The following PAQR5 variants were observed in gnomAD, a reference collection of about 807,000 sequenced individuals.
The protein encoded by PAQR5 is membrane progestin receptor gamma.
A neutral mutation model predicts 34.5 loss-of-function variants in PAQR5; 20 were observed. The observed-to-expected ratio is 0.58, with a 90% confidence interval of 0.41 to 0.84. PAQR5 has a LOEUF of 0.84. Ranked by LOEUF, PAQR5 falls within the 40% of genes least tolerant of loss-of-function variation. The pLI is 0.00. For synonymous variants in PAQR5, 131 were observed against 155.6 expected (o/e 0.84, Z 1.18); for missense variants, 378 against 412.7 (o/e 0.92, Z 0.73).
In PAQR5 at chr15:69,385,204, C is replaced by T. The variant is rs927827612; in HGVS notation, c.385+322C>T. On this transcript the variant is annotated intron_variant, in intron 5 of 8. Coordinates refer to ENST00000395407, the MANE Select transcript of PAQR5 (RefSeq NM_017705.4). This position sits in a 1 kb window ranked among gnomAD's most constrained non-coding sequence, Gnocchi z 4.7. ...GAACACAAGGGTGGGAAGAGATATG[C>T]GTAGCACACTATTACAGAAATTCCA... Among the ~76,000 whole-genome samples the T allele has an allele frequency of 1.3e-5, 2 of 152,308 alleles. No individual in the cohort carries two copies. Among genetic ancestry groups the T allele is most frequent in the Non-Finnish European group, 2.9e-5 (2 of 68,030 alleles).
At chr15:69,384,271 G>GT (rs2056032704) in intron 4 of PAQR5, among the ~76,000 whole-genome samples, 1 of 139,014 alleles carries the variant, frequency 7.2e-6, no homozygotes, top group East Asian at 2.3e-4. Context: ...GGGTGAGTGG[G>GT]CCTCTGTGTT....
In PAQR5 at chr15:69,300,691, C is replaced by CCTCT. The variant is rs767504168; in HGVS notation, c.-277+1646_-277+1649dup. 6.5e-3 allele frequency among the ~76,000 whole-genome samples: 24 copies of CCTCT among 3,708 alleles called. 7 individuals carry two copies. Among genetic ancestry groups the CCTCT allele is most frequent in the Non-Finnish European group, 0.013 (12 of 896 alleles). 2.4% of individuals were successfully genotyped at this position (3,708 alleles called of 152,430 possible). A position where few individuals can be genotyped will look rare whatever the true frequency, so the allele number is the denominator to read the frequency against. On this transcript the variant is annotated intron_variant, in intron 1 of 8. Transcript: ENST00000395407. Reference sequence around the variant, plus strand: ...CATTCTTTCTCTTCCTTCCTCCCTCCCTCTCTCTCTCTCTTTCTTTCTTTC... The same window carrying CCTCT: ...CATTCTTTCTCTTCCTTCCTCCCTCCCTCTCTCTCTCTCTCTCTTTCTTTCTTTC...
In PAQR5 at chr15:69,300,937, C is replaced by CTCTCTCTCTTTCCTTCTT. The variant is rs2053578922; in HGVS notation, c.-277+1884_-277+1885insCTCTCTTTCCTTCTTTCT. On this transcript the variant is annotated intron_variant, in intron 1 of 8. Transcript: ENST00000395407. The stretch of plus-strand genomic sequence containing the variant: ...CCTTTCTCTCTCTCTCTCTCTCTCT[C>CTCTCTCTCTTTCCTTCTT]TCTTTCTTTCCTTCTTTCTTTCTTT... Among the ~76,000 whole-genome samples, 2 of 5,188 alleles carry CTCTCTCTCTTTCCTTCTT rather than the reference C, an allele frequency of 3.9e-4. 1 individual carries two copies. 3.4% of individuals were successfully genotyped at this position (5,188 alleles called of 152,430 possible). A position where few individuals can be genotyped will look rare whatever the true frequency, so the allele number is the denominator to read the frequency against.
chr15:69,309,339 G>A (rs541628232), intron 1 of PAQR5, among the ~76,000 whole-genome samples: 5 of 152,344 alleles, frequency 3.3e-5, no homozygotes, highest in South Asian at 4.1e-4. Flanking sequence ...CATGGGCCAC[G>A]GTGAAGCCTG....
intron 1 of PAQR5, among the ~76,000 whole-genome samples, chr15:69,301,985 G>T (rs551978176): frequency 1.3e-5 from 2 of 150,484 alleles, no homozygotes; most frequent in South Asian, 4.2e-4. Flanking sequence ...TGGTGGGGGT[G>T]GTAGGTTTGT....
rs1171239080 is a variant in PAQR5 at position 69,405,480 on chromosome 15, TAA to T, written c.*1660_*1661del. The T allele has an allele frequency of 6.6e-6, 1 of 152,556 alleles. No homozygotes were observed. Among genetic ancestry groups the T allele is most frequent in the Non-Finnish European group, 1.5e-5 (1 of 68,272 alleles). 9.5% of individuals were successfully genotyped at this position (152,556 alleles called of 1,614,324 possible). ...AGACTGATAAAATTATATGGGCTGG[TAA>T]ATTTTTGGTACATTAATTGCAAGCT... On this transcript the variant is annotated 3_prime_UTR_variant, in exon 9 of 9. Coordinates refer to ENST00000395407, the MANE Select transcript of PAQR5 (RefSeq NM_017705.4).
chr15:69,324,133 A>C (rs2140625290), intron 1 of PAQR5, among the ~76,000 whole-genome samples: 1 of 131,804 alleles, frequency 7.6e-6, no homozygotes, highest in East Asian at 2.7e-4. Flanking sequence ...CTAGGGCAAA[A>C]AAAAAAAAAA....
intron 6 of PAQR5, 55 bp downstream of exon 6, chr15:69,389,835 C>T (rs979561900): frequency 6.3e-6 from 10 of 1,595,790 alleles, no homozygotes; most frequent in Non-Finnish European, 7.7e-6. Context: ...GCATGCAGCT[C>T]CCTGCACTCT....
intron 8 of PAQR5, among the ~76,000 whole-genome samples, chr15:69,402,672 C>T (rs2056670773): frequency 6.6e-6 from 1 of 152,178 alleles, no homozygotes; most frequent in Non-Finnish European, 1.5e-5. Context: ...ATCTTAGAGA[C>T]TTCATTTTTA....
At chr15:69,397,371 G>A (rs760163104) in intron 6 of PAQR5, 97 bp from the exon 7 acceptor site, 1 of 832,324 alleles carries the variant, frequency 1.2e-6, no homozygotes, top group South Asian at 1.3e-5. Context: ...CTTGTCCTCT[G>A]TTGATGACCA....
intron 5 of PAQR5, 74 bp from the exon 6 acceptor site, chr15:69,389,580 G>T: frequency 6.3e-7 from 1 of 1,591,268 alleles, no homozygotes; most frequent in Non-Finnish European, 8.6e-7. Context: ...CCAGATGCTG[G>T]GGACAGTCTT....
chr15:69,315,157 C>G (rs1422249959), intron 1 of PAQR5, among the ~76,000 whole-genome samples: 7 of 152,132 alleles, frequency 4.6e-5, no homozygotes, highest in Non-Finnish European at 1.0e-4. Context: ...AGTCCTTGCC[C>G]AGAGCTCCTT....
chr15:69,393,894 T>C (rs2056338915), intron 6 of PAQR5, among the ~76,000 whole-genome samples: 1 of 152,188 alleles, frequency 6.6e-6, no homozygotes, highest in Admixed American at 6.5e-5. Flanking sequence ...AAAACTGCCT[T>C]CTCATTCTGT....
intron 3 of PAQR5, among the ~76,000 whole-genome samples, chr15:69,378,588 C>G (rs1473617355): frequency 6.6e-6 from 1 of 151,986 alleles, no homozygotes; most frequent in Non-Finnish European, 1.5e-5. Context: ...CTAGCCTTCC[C>G]CTCACAGCCC....
At chr15:69,358,566 C>T (rs2055141407) in intron 2 of PAQR5, among the ~76,000 whole-genome samples, 1 of 151,356 alleles carries the variant, frequency 6.6e-6, no homozygotes, top group Non-Finnish European at 1.5e-5. Context: ...TCCGCCCCTC[C>T]CACCTTCATG....
At chr15:69,308,352 T>C (rs897014280) in intron 1 of PAQR5, among the ~76,000 whole-genome samples, 4 of 152,196 alleles carry the variant, frequency 2.6e-5, no homozygotes, top group East Asian at 1.9e-4. Flanking sequence ...CAGCTAAAGA[T>C]TGAATGTCTG....
At chr15:69,301,147 G>A (rs1226130743) in intron 1 of PAQR5, among the ~76,000 whole-genome samples, 1 of 151,440 alleles carries the variant, frequency 6.6e-6, no homozygotes, top group Non-Finnish European at 1.5e-5. Flanking sequence ...GGGATTACAG[G>A]CGCCTGCCAC....
intron 2 of PAQR5, among the ~76,000 whole-genome samples, chr15:69,344,997 G>A (rs1294614119): frequency 6.6e-6 from 1 of 152,124 alleles, no homozygotes; most frequent in Admixed American, 6.5e-5. Flanking sequence ...GGGAGGCTGA[G>A]GTGGGAGAAT....
chr15:69,308,780 C>A (rs2053770560), intron 1 of PAQR5, among the ~76,000 whole-genome samples: 1 of 151,972 alleles, frequency 6.6e-6, no homozygotes, highest in Admixed American at 6.6e-5. Flanking sequence ...TGCAAAGGCC[C>A]TGAGGTGAGA....
Sources: gnomAD v4.1 joint callset for allele counts (sites outside exome capture counted in the v4.1 genomes callset) on GRCh38, gnomAD v4.1.1 for gene constraint, Gnocchi (gnomAD v3.1) non-coding constraint, MANE v1.5 for transcripts, NCBI Gene and HGNC (gene_info 2026-07-23, HGNC 2026-07-21) for gene names.